RPGR: variants seen among roughly 807,000 people sequenced by gnomAD.
RPGR encodes the protein retinitis pigmentosa GTPase regulator.
A neutral mutation model predicts 56.3 loss-of-function variants in RPGR; 10 were observed. The ratio of observed to expected loss-of-function variants is 0.18; its 90% CI spans 0.11 to 0.30. The LOEUF is 0.30. RPGR is among the 10% of genes least tolerant of loss of function. The pLI is 1.00. For synonymous variants in RPGR, 197 were observed against 212.9 expected, an observed-to-expected ratio of 0.93 and a Z score of 0.65; for missense variants, 538 against 590.9, an observed-to-expected ratio of 0.91 and a Z score of 0.93.
At chrX:38,322,259 A>C (rs2067955751) in intron 3 of RPGR, among the ~76,000 whole-genome samples, 1 of 111,891 alleles carries the variant, frequency 8.9e-6, no homozygotes, top group Admixed American at 9.5e-5. Flanking sequence ...GGTTATACCC[A>C]AACAGAGGTT....
At chrX:38,304,939 A>G in intron 7 of RPGR, 149 bp from the exon 8 acceptor site, 1 of 493,890 alleles carries the variant, frequency 2.0e-6, no homozygotes, top group Non-Finnish European at 3.5e-6. Flanking sequence ...TTAATATTGA[A>G]GTATAAATCT....
At chrX:38,293,759 T>A (rs750075821) in intron 11 of RPGR, among the ~76,000 whole-genome samples, 1 of 111,816 alleles carries the variant, frequency 8.9e-6, no homozygotes, top group Non-Finnish European at 1.9e-5. Context: ...AAGTTCTCAT[T>A]TGCCTGTTAA....
At chrX:38,269,865 T>C in intron 18 of RPGR, 1 of 1,013,527 alleles carries the variant, frequency 9.9e-7, no homozygotes, top group Non-Finnish European at 1.4e-6. Flanking sequence ...AAATATTCAT[T>C]TCCATAAGTG....
chrX:38,272,087 C>T (rs918681014), intron 18 of RPGR, among the ~76,000 whole-genome samples: 5 of 110,764 alleles, frequency 4.5e-5, no homozygotes, highest in African/African-American at 1.6e-4. Context: ...GATGAAGGCC[C>T]TGAAATTACC....
intron 6 of RPGR, chrX:38,317,105 T>C: frequency 2.5e-6 from 1 of 402,259 alleles, no homozygotes; most frequent in Non-Finnish European, 4.3e-6. Flanking sequence ...TATATTCACC[T>C]AAAAAGTGAT....
intron 1 of RPGR, among the ~76,000 whole-genome samples, 170 bp downstream of exon 1, chrX:38,327,170 C>T (rs2068064033): frequency 8.8e-6 from 1 of 113,314 alleles, no homozygotes; most frequent in South Asian, 3.5e-4. Context: ...CTGTTCTTCC[C>T]GTCCGGTCCT....
At chrX:38,313,139 ATC>A (rs1440925208) in intron 6 of RPGR, among the ~76,000 whole-genome samples, 1 of 111,399 alleles carries the variant, frequency 9.0e-6, no homozygotes, top group African/African-American at 3.3e-5. Flanking sequence ...TTCTTCCCTC[ATC>A]TCTGTCTCTC....
chrX:38,291,225 A>C (rs777774582), intron 12 of RPGR, among the ~76,000 whole-genome samples, 168 bp downstream of exon 12: 2 of 108,697 alleles, frequency 1.8e-5, no homozygotes, highest in Admixed American at 2.0e-4. Context: ...ATCAAAACAA[A>C]TTTTATTGTA....
intron 15 of RPGR, chrX:38,285,845 C>G: frequency 8.3e-7 from 1 of 1,207,303 alleles, no homozygotes; most frequent in Non-Finnish European, 1.1e-6. Flanking sequence ...TTTTCTTCTC[C>G]TTCCCCCTCC....
intron 15 of RPGR, among the ~76,000 whole-genome samples, chrX:38,279,513 C>G (rs910191211): frequency 2.1e-5 from 2 of 97,364 alleles, no homozygotes; most frequent in African/African-American, 7.8e-5. Context: ...ACAATTACAT[C>G]GCATGCTTTA....
chrX:38,295,923 T>C (rs1032553443), intron 11 of RPGR: 3 of 112,341 alleles, frequency 2.7e-5, no homozygotes, highest in African/African-American at 9.7e-5. Context: ...GAGAAATATG[T>C]TGGCTATTAC....
At chrX:38,273,013 G>A (rs758596324) in intron 18 of RPGR, among the ~76,000 whole-genome samples, 3 of 112,050 alleles carry the variant, frequency 2.7e-5, no homozygotes, top group African/African-American at 9.7e-5. Context: ...AAATAAGAAA[G>A]AAGAGGTGAT....
intron 7 of RPGR, among the ~76,000 whole-genome samples, chrX:38,309,482 T>C (rs1394951796): frequency 8.9e-6 from 1 of 112,003 alleles, no homozygotes; most frequent in Non-Finnish European, 1.9e-5. Flanking sequence ...ATGAGAAAAA[T>C]TGTTTGTCCC....
chrX:38,304,415 G>A (rs1346047293), intron 8 of RPGR, among the ~76,000 whole-genome samples: 1 of 111,782 alleles, frequency 8.9e-6, no homozygotes, highest in Non-Finnish European at 1.9e-5. Flanking sequence ...TCGGCCTATT[G>A]TGAGGTTCTA....
At chrX:38,319,616 A>G (rs777299589) in intron 4 of RPGR, among the ~76,000 whole-genome samples, 1 of 112,206 alleles carries the variant, frequency 8.9e-6, no homozygotes, top group South Asian at 3.7e-4. Flanking sequence ...CCTCATCTAT[A>G]AAATGAGGAT....
chrX:38,298,737 A>C (rs1251368350), intron 10 of RPGR, among the ~76,000 whole-genome samples: 1 of 111,973 alleles, frequency 8.9e-6, no homozygotes, highest in Non-Finnish European at 1.9e-5. Flanking sequence ...AGTTTTCTAT[A>C]ATTTAAATTT....
chrX:38,270,895 G>A (rs1174407586), intron 18 of RPGR, among the ~76,000 whole-genome samples: 1 of 111,247 alleles, frequency 9.0e-6, no homozygotes, highest in Non-Finnish European at 1.9e-5. Context: ...AAGGTTTGTA[G>A]GTGCAAAATT....
intron 15 of RPGR, chrX:38,279,305 G>A: frequency 3.5e-6 from 1 of 286,831 alleles, no homozygotes; most frequent in Non-Finnish European, 6.6e-6. Flanking sequence ...GTCAGTATAT[G>A]TCTGTGTCTT....
At position 38,291,369 on chromosome X, in the gene RPGR, GATAA is replaced by G. The variant is rs775515265; in HGVS notation, c.1506+20_1506+23del. On this transcript the variant is annotated intron_variant, in intron 12 of 18. Coordinates refer to ENST00000642395, the MANE Select transcript of RPGR (RefSeq NM_000328.3). Reference sequence around the variant, plus strand: ...GAACTAAAATTCAAACTCATATTTAGATAAATAGATAGGAAATCATTACCATGTT... The same window carrying G: ...GAACTAAAATTCAAACTCATATTTAGATAGATAGGAAATCATTACCATGTT... The G allele has an allele frequency of 2.1e-6, 2 of 945,119 alleles. No homozygotes were observed. The highest frequency in any genetic ancestry group is 3.1e-5 in the East Asian group (1 of 32,315). The allele number at this position is 945,119 out of a possible 1,213,427, so 77.9% of individuals were successfully genotyped here.
Sources: gnomAD v4.1 joint callset for allele counts (sites outside exome capture counted in the v4.1 genomes callset) on GRCh38, gnomAD v4.1.1 for gene constraint, MANE v1.5 for transcripts, NCBI Gene and HGNC (gene_info 2026-07-23, HGNC 2026-07-21) for gene names.